MAML2: variants seen among roughly 807,000 people sequenced by gnomAD.
MAML2 encodes mastermind-like protein 2.
A neutral mutation model predicts 96.1 loss-of-function variants in MAML2; 22 were observed. The observed-to-expected ratio is 0.23, with a 90% CI of 0.16 to 0.33. MAML2 has a LOEUF of 0.33. Ranked by LOEUF, MAML2 falls within the 10% of genes least tolerant of loss-of-function variation. The pLI is 1.00. For synonymous variants in MAML2, 561 were observed against 521.3 expected, an observed-to-expected ratio of 1.08 and a Z score of -1.04; for missense variants, 1,367 against 1,392.4, an observed-to-expected ratio of 0.98 and a Z score of 0.29.
At chr11:96,258,507 C>T (rs185766912) in intron 1 of MAML2, among the ~76,000 whole-genome samples, 15 of 152,294 alleles carry the variant, frequency 9.8e-5, no homozygotes, top group Non-Finnish European at 1.9e-4. Flanking sequence ...TGAACGTCCT[C>T]ATTAGGGTCC....
chr11:96,077,180 G>T (rs1338456653), intron 2 of MAML2, among the ~76,000 whole-genome samples: 10 of 147,308 alleles, frequency 6.8e-5, no homozygotes, highest in Admixed American at 4.7e-4. Context: ...TTCTCCCTTG[G>T]GATCTCTCTT....
intron 1 of MAML2, among the ~76,000 whole-genome samples, chr11:96,313,442 C>T (rs530634406): frequency 2.3e-3 from 349 of 152,226 alleles, no homozygotes; most frequent in African/African-American, 7.5e-3. Flanking sequence ...TCCCTTTTTT[C>T]ACACTCCTTT....
At chr11:96,053,629 G>C (rs1035477802) in intron 2 of MAML2, among the ~76,000 whole-genome samples, 2 of 151,932 alleles carry the variant, frequency 1.3e-5, no homozygotes, top group Admixed American at 6.6e-5. Context: ...GGGATGGGGG[G>C]GTGACCAACA....
chr11:96,042,631 C>A (rs1858833405), intron 2 of MAML2, among the ~76,000 whole-genome samples: 1 of 152,142 alleles, frequency 6.6e-6, no homozygotes, highest in African/African-American at 2.4e-5. Flanking sequence ...CGTCTTTAAG[C>A]CAGGCCTGTT....
intron 2 of MAML2, among the ~76,000 whole-genome samples, chr11:96,083,839 A>G (rs1859565413): frequency 6.6e-6 from 1 of 152,178 alleles, no homozygotes; most frequent in African/African-American, 2.4e-5. Flanking sequence ...ATTCACAAGA[A>G]CAAAGATATA....
chr11:96,178,053 C>T (rs1861416130), intron 1 of MAML2, among the ~76,000 whole-genome samples: 1 of 149,292 alleles, frequency 6.7e-6, no homozygotes, highest in South Asian at 2.1e-4. Flanking sequence ...TATCACAATT[C>T]ATATAAGCGT....
At chr11:96,079,045 C>CAAT (rs1449716287) in intron 2 of MAML2, among the ~76,000 whole-genome samples, 27 of 152,134 alleles carry the variant, frequency 1.8e-4, no homozygotes, top group African/African-American at 6.0e-4. Flanking sequence ...TAAATGTCAG[C>CAAT]AAATGAACTG....
chr11:96,282,818 T>G (rs943969686), intron 1 of MAML2, among the ~76,000 whole-genome samples: 4 of 152,188 alleles, frequency 2.6e-5, no homozygotes, highest in African/African-American at 9.7e-5. Flanking sequence ...GCAAATAATC[T>G]TCAAAAATTG....
At chr11:96,184,771 A>T (rs1376245547) in intron 1 of MAML2, among the ~76,000 whole-genome samples, 1 of 151,862 alleles carries the variant, frequency 6.6e-6, no homozygotes, top group African/African-American at 2.4e-5. Flanking sequence ...TTGTATTCTT[A>T]GTAGAGACGG....
intron 1 of MAML2, among the ~76,000 whole-genome samples, chr11:96,317,557 T>C (rs1225940792): frequency 6.6e-6 from 1 of 152,234 alleles, no homozygotes; most frequent in African/African-American, 2.4e-5. Context: ...TGTTATATTC[T>C]TTCTGAGGCT....
intron 1 of MAML2, among the ~76,000 whole-genome samples, chr11:96,132,278 C>T (rs1356307671): frequency 3.9e-5 from 6 of 152,110 alleles, no homozygotes; most frequent in Non-Finnish European, 7.3e-5. Flanking sequence ...ATTTATTCAA[C>T]AAATAAGTTA....
intron 1 of MAML2, among the ~76,000 whole-genome samples, chr11:96,186,871 G>C (rs571591201): frequency 6.6e-6 from 1 of 152,296 alleles, no homozygotes; most frequent in African/African-American, 2.4e-5. Flanking sequence ...CTCATAGAGA[G>C]AAGCTTTTTA....
chr11:96,118,027 T>C (rs1860273725), intron 1 of MAML2, among the ~76,000 whole-genome samples: 1 of 152,190 alleles, frequency 6.6e-6, no homozygotes, highest in Non-Finnish European at 1.5e-5. Context: ...AAACCTGTAA[T>C]TGTAAGACAC....
intron 4 of MAML2, 64 bp from the exon 5 acceptor site, chr11:95,980,027 T>C: frequency 1.6e-6 from 2 of 1,252,950 alleles, no homozygotes; most frequent in Non-Finnish European, 2.2e-6. Flanking sequence ...TAACTGCACT[T>C]TTCAATAACT....
At chr11:96,167,167 C>A (rs926550695) in intron 1 of MAML2, among the ~76,000 whole-genome samples, 3 of 152,200 alleles carry the variant, frequency 2.0e-5, no homozygotes, top group African/African-American at 7.2e-5. Context: ...TCAGTTAATG[C>A]CATTGCCATT....
chr11:96,092,528 A>G lies in MAML2; in HGVS notation c.1503T>C (p.Ala501=), dbSNP rs774850884. ...TTACTTTCGACTGGCCGCTGCCGCC[A>G]GCTACCCCAGGCATGGGGGAGCTCT... ...SPQSSPMPGV[A]GGSGQSKVMA... The change falls in exon 2 of 5, where the codon GCT becomes GCC. Residue 501 remains alanine, a synonymous_variant. Transcript: ENST00000524717. This position sits in a 1 kb window ranked among gnomAD's most constrained non-coding sequence, Gnocchi z 4.1. 2.5e-6 allele frequency: 4 copies of G among 1,596,630 alleles called. No individual in the cohort carries two copies. In the South Asian group the frequency reaches 4.5e-5, roughly 18 times the overall value.
intron 1 of MAML2, 32 bp from the exon 2 acceptor site, chr11:96,093,549 T>C: frequency 1.4e-6 from 2 of 1,403,026 alleles, no homozygotes; most frequent in Non-Finnish European, 2.0e-6. Flanking sequence ...AAAGGAAAAA[T>C]AAGAAATATG....
chr11:96,252,773 G>A (rs1591097370), intron 1 of MAML2, among the ~76,000 whole-genome samples: 1 of 152,186 alleles, frequency 6.6e-6, no homozygotes, highest in South Asian at 2.1e-4. Context: ...AGCTCACCTA[G>A]GTTTTAAGCA....
chr11:96,253,767 C>T (rs930897032), intron 1 of MAML2, among the ~76,000 whole-genome samples: 2 of 152,150 alleles, frequency 1.3e-5, no homozygotes, highest in African/African-American at 2.4e-5. Flanking sequence ...TCTCAGCCAT[C>T]TGAGAATTCT....
Sources: allele counts gnomAD v4.1 joint callset (sites outside exome capture counted in the v4.1 genomes callset), GRCh38; gene constraint gnomAD v4.1.1; non-coding constraint Gnocchi (gnomAD v3.1); transcripts MANE v1.5; gene names NCBI Gene and HGNC (gene_info 2026-07-23, HGNC 2026-07-21).